Variants in GRM1 observed in about 807,000 individuals in gnomAD.
GRM1 encodes the protein metabotropic glutamate receptor 1.
GRM1 carries 33 observed loss-of-function variants against 90.9 expected under a neutral mutation model. The ratio of observed to expected loss-of-function variants is 0.36; its 90% CI spans 0.28 to 0.49. The LOEUF (loss-of-function observed/expected upper bound fraction) is 0.49. Among genes scored for constraint, GRM1 ranks in the 20% least tolerant of loss-of-function variants. GRM1 has a pLI of 0.99. For missense variants in GRM1, 1,190 were observed against 1,534.3 expected, an observed-to-expected ratio of 0.78 and a Z score of 3.75; for synonymous variants, 700 against 613.2, an observed-to-expected ratio of 1.14 and a Z score of -2.09.
At chr6:146,239,842 C>T (rs775485657) in intron 2 of GRM1, among the ~76,000 whole-genome samples, 2 of 152,014 alleles carry the variant, frequency 1.3e-5, no homozygotes, top group Non-Finnish European at 2.9e-5. Context: ...AAGTTCCCCC[C>T]GGAGATTCAG....
At chr6:146,233,108 C>A (rs1780502227) in intron 2 of GRM1, among the ~76,000 whole-genome samples, 1 of 151,984 alleles carries the variant, frequency 6.6e-6, no homozygotes, top group Admixed American at 6.6e-5. Context: ...CTCTCAATGT[C>A]ATTGACTTCT....
At chr6:146,303,905 A>G (rs1783482464) in intron 2 of GRM1, among the ~76,000 whole-genome samples, 2 of 152,188 alleles carry the variant, frequency 1.3e-5, no homozygotes, top group South Asian at 4.1e-4. Context: ...CGTCTGGTAG[A>G]TAGGAATGTT....
chr6:146,265,515 C>G (rs1562567043), intron 2 of GRM1, among the ~76,000 whole-genome samples: 1 of 152,136 alleles, frequency 6.6e-6, no homozygotes, highest in Non-Finnish European at 1.5e-5. Context: ...TTTGGCTGTC[C>G]AGAAACTTTT....
chr6:146,372,742 G>A (rs2115097497), intron 5 of GRM1, among the ~76,000 whole-genome samples: 1 of 152,046 alleles, frequency 6.6e-6, no homozygotes, highest in East Asian at 1.9e-4. Context: ...TGTGTTATTG[G>A]TACCTTTGTC....
intron 3 of GRM1, among the ~76,000 whole-genome samples, chr6:146,324,118 T>C (rs540532635): frequency 6.6e-6 from 1 of 152,208 alleles, no homozygotes; most frequent in Non-Finnish European, 1.5e-5. Context: ...AGAGAGGCAG[T>C]CTGGCTACAG....
intron 7 of GRM1, among the ~76,000 whole-genome samples, chr6:146,429,729 T>C (rs1778335931): frequency 6.6e-6 from 1 of 152,230 alleles, no homozygotes; most frequent in Non-Finnish European, 1.5e-5. Context: ...TTTATCTTTT[T>C]TCTTGGTGAG....
At chr6:146,134,486 C>T (rs1217358443) in intron 1 of GRM1, among the ~76,000 whole-genome samples, 1 of 152,094 alleles carries the variant, frequency 6.6e-6, no homozygotes, top group African/African-American at 2.4e-5. Context: ...TTCGGGGTGG[C>T]TTGGGAGGCC....
chr6:146,158,929 G>A (rs74650736), intron 1 of GRM1, among the ~76,000 whole-genome samples: 1 of 152,132 alleles, frequency 6.6e-6, no homozygotes, highest in Admixed American at 6.5e-5. Flanking sequence ...TACCAAGAGT[G>A]TCTGTCTCTT....
chr6:146,396,086 A>ATCTG (rs1776917831), intron 6 of GRM1, among the ~76,000 whole-genome samples: 1 of 148,438 alleles, frequency 6.7e-6, no homozygotes, highest in African/African-American at 2.5e-5. Context: ...CTATCTATCT[A>ATCTG]TCTATCTATC....
intron 1 of GRM1, among the ~76,000 whole-genome samples, chr6:146,118,630 C>A (rs1378199724): frequency 6.6e-6 from 1 of 152,178 alleles, no homozygotes; most frequent in Non-Finnish European, 1.5e-5. Flanking sequence ...TGTGATGTTC[C>A]CTTTCCTGTG....
At chr6:146,062,738 C>T (rs1775717634) in intron 1 of GRM1, among the ~76,000 whole-genome samples, 1 of 151,892 alleles carries the variant, frequency 6.6e-6, no homozygotes, top group African/African-American at 2.4e-5. Context: ...AGTTTTCTTC[C>T]TCCAGTGTGA....
At position 146,277,112 on chromosome 6, in the gene GRM1, A is replaced by AAATAC. The variant is rs540751502; in HGVS notation, c.951-27479_951-27475dup. Among the ~76,000 whole-genome samples the AAATAC allele has an allele frequency of 3.3e-3, 497 of 152,308 alleles. 2 individuals carry two copies. The highest frequency in any genetic ancestry group is 7.4e-3 in the African/African-American group (307 of 41,574). ...GTGAGACTCTTGTCTTCAAAAAGAT[A>AAATAC]AATACAATACAATACAATACAATAA... On this transcript the variant is annotated intron_variant, in intron 2 of 7. Transcript: ENST00000282753.
At chr6:146,102,765 C>T (rs939653542) in intron 1 of GRM1, among the ~76,000 whole-genome samples, 2 of 152,168 alleles carry the variant, frequency 1.3e-5, no homozygotes, top group African/African-American at 2.4e-5. Context: ...AACAGAGTAT[C>T]ATACAAGTAC....
chr6:146,149,206 T>C (rs1211334422), intron 1 of GRM1, among the ~76,000 whole-genome samples: 1 of 152,178 alleles, frequency 6.6e-6, no homozygotes, highest in Non-Finnish European at 1.5e-5. Context: ...AAATGTAGAC[T>C]TTCAATACAT....
At chr6:146,327,788 A>G (rs1299433155) in intron 3 of GRM1, among the ~76,000 whole-genome samples, 1 of 152,102 alleles carries the variant, frequency 6.6e-6, no homozygotes, top group Non-Finnish European at 1.5e-5. Context: ...CTATTTCACA[A>G]TACACCCACT....
At chr6:146,161,233 CA>C (rs1200614071) in intron 2 of GRM1, among the ~76,000 whole-genome samples, 1 of 151,978 alleles carries the variant, frequency 6.6e-6, no homozygotes. Flanking sequence ...ATAATATCCT[CA>C]AAAAAGGGTT....
intron 2 of GRM1, among the ~76,000 whole-genome samples, chr6:146,281,751 T>A (rs1782575980): frequency 6.6e-6 from 1 of 152,196 alleles, no homozygotes; most frequent in Non-Finnish European, 1.5e-5. Context: ...CAAATTGTGG[T>A]GTTTTCTGTG....
chr6:146,196,712 A>G (rs59450158), intron 2 of GRM1, among the ~76,000 whole-genome samples: 32,992 of 151,992 alleles, frequency 0.22, 7,362 homozygotes, highest in African/African-American at 0.57. Flanking sequence ...CTACTGAATC[A>G]GAATCTTTGA....
rs530248972 is a variant in GRM1 at position 146,312,852 on chromosome 6, C to A, written c.1186+8006C>A. On this transcript the variant is annotated intron_variant, in intron 3 of 7. Coordinates refer to ENST00000282753, the MANE Select transcript of GRM1 (RefSeq NM_001278064.2). ...AACGCTGCCAGCTTGCTTGGTAATT[C>A]CTACAGATCTGATGCCCAACATAGG... is the stretch of plus-strand genomic sequence containing the variant. Among the ~76,000 whole-genome samples the A allele has an allele frequency of 9.2e-5, 14 of 152,302 alleles. No individual in the cohort carries two copies. In the South Asian group the frequency reaches 2.7e-3, roughly 29 times the overall value.
Sources: allele counts gnomAD v4.1 joint callset (sites outside exome capture counted in the v4.1 genomes callset), GRCh38; gene constraint gnomAD v4.1.1; transcripts MANE v1.5; gene names NCBI Gene and HGNC (gene_info 2026-07-23, HGNC 2026-07-21).